MAP3K5: variants seen among roughly 807,000 people sequenced by gnomAD.
The protein encoded by MAP3K5 is mitogen-activated protein kinase kinase kinase 5, also known as ASK-1.
A neutral mutation model predicts 158.7 loss-of-function variants in MAP3K5; 56 were observed. That is an observed-to-expected ratio of 0.35 (90% confidence interval 0.28 to 0.44). The LOEUF is 0.44. Ranked by LOEUF, MAP3K5 falls within the 20% of genes least tolerant of loss-of-function variation. The probability of loss-of-function intolerance (pLI) is 1.00; values close to 1 mark genes in which losing one functional copy is unlikely to be tolerated. For synonymous variants in MAP3K5, 579 were observed against 601.7 expected, an observed-to-expected ratio of 0.96 and a Z score of 0.55; for missense variants, 1,294 against 1,674.8, an observed-to-expected ratio of 0.77 and a Z score of 3.97.
chr6:136,763,327 C>T (rs1357740587), intron 1 of MAP3K5, among the ~76,000 whole-genome samples: 1 of 152,176 alleles, frequency 6.6e-6, no homozygotes, highest in Non-Finnish European at 1.5e-5. Flanking sequence ...TGTTCATTGC[C>T]TTCTCTACTT....
At chr6:136,636,772 G>A (rs2129105494) in intron 14 of MAP3K5, 1 of 924,730 alleles carries the variant, frequency 1.1e-6, no homozygotes, top group South Asian at 5.0e-5. Context: ...ACGAGAACAA[G>A]TCTCTATAAA....
chr6:136,592,361 A>G lies in MAP3K5; in HGVS notation c.3057-20T>C. ...GGAATGCTGAGAAAATTTATGCAGCATAAATCACAGTTCCCTTTATAAAAT... is the reference window on the plus strand; with the variant it reads ...GGAATGCTGAGAAAATTTATGCAGCGTAAATCACAGTTCCCTTTATAAAAT... On this transcript the variant is annotated intron_variant, in intron 22 of 29. Transcript: ENST00000359015. 6.3e-7 allele frequency: 1 copy of G among 1,593,898 alleles called. No homozygotes were observed. Among genetic ancestry groups the G allele is most frequent in the Non-Finnish European group, 8.6e-7 (1 of 1,168,950 alleles).
chr6:136,782,737 C>T (rs1232062906), intron 1 of MAP3K5, among the ~76,000 whole-genome samples: 1 of 152,012 alleles, frequency 6.6e-6, no homozygotes, highest in Non-Finnish European at 1.5e-5. Context: ...TAGGAAATGC[C>T]CTTAATATTT....
intron 1 of MAP3K5, among the ~76,000 whole-genome samples, chr6:136,747,824 T>C (rs977772658): frequency 1.3e-5 from 2 of 152,308 alleles, no homozygotes; most frequent in South Asian, 4.1e-4. Context: ...AGCAAGGGTG[T>C]AGACTATTGT....
rs938739478 is a variant in MAP3K5 at position 136,625,173 on chromosome 6, T to C, written c.2017-2192A>G. ...TTTTGGTAAAAGGTCAGATAGTGAA[T>C]GTTTTAGCTTTGAGGGCCATCTAGT... On this transcript the variant is annotated intron_variant, in intron 14 of 29. Transcript: ENST00000359015. 3.9e-5 allele frequency among the ~76,000 whole-genome samples: 6 copies of C among 152,198 alleles called. No homozygotes were observed. In the East Asian group the frequency reaches 1.2e-3, roughly 29 times the overall value.
chr6:136,707,407 G>A (rs930809548), intron 2 of MAP3K5, among the ~76,000 whole-genome samples: 13 of 152,324 alleles, frequency 8.5e-5, no homozygotes, highest in Middle Eastern at 3.4e-3. Flanking sequence ...GGACAGACAC[G>A]ACCTCCAAAG....
intron 7 of MAP3K5, among the ~76,000 whole-genome samples, chr6:136,672,810 T>A (rs1156822148): frequency 1.3e-5 from 2 of 151,882 alleles, no homozygotes; most frequent in African/African-American, 4.8e-5. Context: ...GCCAACATGG[T>A]GAAATCCTAT....
intron 25 of MAP3K5, among the ~76,000 whole-genome samples, chr6:136,572,116 G>T (rs1293985523): frequency 6.6e-6 from 1 of 152,138 alleles, no homozygotes; most frequent in Non-Finnish European, 1.5e-5. Context: ...TCCTACTAGG[G>T]TTATTTGGTT....
intron 1 of MAP3K5, among the ~76,000 whole-genome samples, chr6:136,736,138 G>T (rs1257672849): frequency 6.6e-6 from 1 of 152,068 alleles, no homozygotes; most frequent in Non-Finnish European, 1.5e-5. Flanking sequence ...TGTAATTATG[G>T]CTGTCATTTC....
At position 136,630,699 on chromosome 6, in the gene MAP3K5, C is replaced by T. The variant is rs184841249; in HGVS notation, c.2016+6626G>A. Among the ~76,000 whole-genome samples, 6 of 152,338 alleles carry T rather than the reference C, an allele frequency of 3.9e-5. No individual in the cohort carries two copies. The East Asian group carries it at 1.2e-3, about 29-fold the overall frequency. On this transcript the variant is annotated intron_variant, in intron 14 of 29. Transcript: ENST00000359015. ...CTTTCTGTTCCTCACACTTATTTCT[C>T]ATTAGTCTCCCACCATACACTTTCT...
At chr6:136,748,306 C>G (rs577093005) in intron 1 of MAP3K5, among the ~76,000 whole-genome samples, 84 of 152,176 alleles carry the variant, frequency 5.5e-4, no homozygotes, top group African/African-American at 1.9e-3. Context: ...ACATTTGAAC[C>G]GTATTAATTT....
At chr6:136,604,271 G>A (rs759878918) in intron 19 of MAP3K5, among the ~76,000 whole-genome samples, 4 of 151,264 alleles carry the variant, frequency 2.6e-5, no homozygotes, top group East Asian at 3.9e-4. Context: ...GCAGTGAGCC[G>A]AGATCGCGCC....
intron 19 of MAP3K5, among the ~76,000 whole-genome samples, chr6:136,602,933 A>G (rs1201757453): frequency 6.6e-6 from 1 of 152,190 alleles, no homozygotes; most frequent in Non-Finnish European, 1.5e-5. Flanking sequence ...TTTTATAACA[A>G]TTAGAATTTA....
intron 15 of MAP3K5, among the ~76,000 whole-genome samples, chr6:136,618,105 A>G (rs967795275): frequency 1.3e-5 from 2 of 152,230 alleles, no homozygotes; most frequent in Admixed American, 1.3e-4. Context: ...AACATGAAGG[A>G]AACAGAGGAG....
intron 12 of MAP3K5, among the ~76,000 whole-genome samples, chr6:136,642,028 A>C (rs940173081): frequency 3.4e-5 from 4 of 117,092 alleles, no homozygotes; most frequent in Non-Finnish European, 5.2e-5. Context: ...ATAAAATAAA[A>C]TAAAAATAAA....
chr6:136,776,342 C>T (rs1391394781), intron 1 of MAP3K5, among the ~76,000 whole-genome samples: 1 of 152,122 alleles, frequency 6.6e-6, no homozygotes, highest in African/African-American at 2.4e-5. Context: ...CTCTCTGGCT[C>T]AAAGTGATCC....
chr6:136,632,807 A>C (rs1777436581), intron 14 of MAP3K5, among the ~76,000 whole-genome samples: 1 of 152,182 alleles, frequency 6.6e-6, no homozygotes, highest in Non-Finnish European at 1.5e-5. Context: ...AAGAAGAACA[A>C]TGGAGACCAA....
chr6:136,580,215 C>G (rs569585797), intron 25 of MAP3K5, 86 bp downstream of exon 25: 1 of 898,626 alleles, frequency 1.1e-6, no homozygotes, highest in South Asian at 1.4e-5. Flanking sequence ...TTTTAAAGTA[C>G]TAAGGTGATA....
In MAP3K5 at chr6:136,557,697, CAAG is replaced by C. The variant is rs1830312542; in HGVS notation, c.*58_*60del. On this transcript the variant is annotated 3_prime_UTR_variant, in exon 30 of 30. Transcript: ENST00000359015. ...CCTCTCCCTTCGATTTTCCCACCCC[CAAG>C]AAGATCAGCTCTGTATTAATTTTTA... 4 of 1,244,028 alleles carry C rather than the reference CAAG, an allele frequency of 3.2e-6. No homozygotes were observed. The highest frequency in any genetic ancestry group is 3.4e-5 in the Admixed American group (2 of 59,276). 77.1% of individuals were successfully genotyped at this position (1,244,028 alleles called of 1,614,324 possible).
Sources: allele counts gnomAD v4.1 joint callset (sites outside exome capture counted in the v4.1 genomes callset), GRCh38; gene constraint gnomAD v4.1.1; transcripts MANE v1.5; gene names NCBI Gene and HGNC (gene_info 2026-07-23, HGNC 2026-07-21).